Variants in TTK observed in about 807,000 individuals in gnomAD.
TTK encodes TTK protein kinase.
In TTK, 59 loss-of-function variants were observed where a neutral mutation model predicts 117.3. The ratio of observed to expected loss-of-function variants is 0.50; its 90% CI spans 0.41 to 0.62. The LOEUF is 0.62. TTK is among the 20% of genes least tolerant of loss of function. TTK has a pLI of 0.00. For missense variants in TTK, 921 were observed against 989.4 expected (o/e 0.93, Z 0.93); for synonymous variants, 302 against 325.0 (o/e 0.93, Z 0.76).
intron 18 of TTK, among the ~76,000 whole-genome samples, chr6:80,038,539 A>G (rs1185708639): frequency 6.6e-6 from 1 of 152,126 alleles, no homozygotes; most frequent in East Asian, 1.9e-4. Context: ...CCTGTCTCTA[A>G]ATTGTGCCTA....
At chr6:80,024,998 CTG>C (rs1212596332) in intron 11 of TTK, among the ~76,000 whole-genome samples, 1 of 152,206 alleles carries the variant, frequency 6.6e-6, no homozygotes, top group Non-Finnish European at 1.5e-5. Context: ...ATCCCAACAA[CTG>C]TCATTGTTTT....
At chr6:80,026,743 G>A (rs1265012861) in intron 12 of TTK, among the ~76,000 whole-genome samples, 5 of 152,278 alleles carry the variant, frequency 3.3e-5, no homozygotes, top group South Asian at 2.1e-4. Context: ...CTGTCATATC[G>A]TAATCTGTAC....
intron 13 of TTK, among the ~76,000 whole-genome samples, chr6:80,029,582 C>T (rs1285163410): frequency 3.3e-5 from 5 of 152,140 alleles, no homozygotes; most frequent in Non-Finnish European, 5.9e-5. Context: ...GTGGAGCCTT[C>T]TAGAAGAGGC....
intron 13 of TTK, among the ~76,000 whole-genome samples, chr6:80,029,730 A>G (rs1767704465): frequency 6.6e-6 from 1 of 152,230 alleles, no homozygotes; most frequent in Non-Finnish European, 1.5e-5. Context: ...TGAAGCAGGG[A>G]AGTGAAATGA....
At chr6:80,037,298 G>T (rs1767929901) in intron 17 of TTK, among the ~76,000 whole-genome samples, 1 of 152,008 alleles carries the variant, frequency 6.6e-6, no homozygotes, top group Admixed American at 6.6e-5. Context: ...ATGTCTCTTT[G>T]TATCAAAAGT....
At chr6:80,011,690 T>A (rs1319320686) in intron 6 of TTK, 39 bp from the exon 7 acceptor site, 1 of 1,602,524 alleles carries the variant, frequency 6.2e-7, no homozygotes, top group East Asian at 2.3e-5. Context: ...ATATTAATAT[T>A]GTTCTTTGAA....
intron 10 of TTK, among the ~76,000 whole-genome samples, chr6:80,020,731 A>T (rs1041247071): frequency 9.9e-5 from 15 of 152,244 alleles, no homozygotes; most frequent in Non-Finnish European, 1.6e-4. Flanking sequence ...AAAGAGGATG[A>T]CAAAAATCAG....
chr6:80,018,436 T>C (rs1420939895), intron 10 of TTK, among the ~76,000 whole-genome samples: 1 of 146,788 alleles, frequency 6.8e-6, no homozygotes, highest in East Asian at 2.0e-4. Context: ...GCCAGTGTGG[T>C]GAAACCCCAT....
chr6:80,021,230 G>A (rs965417698), intron 10 of TTK, among the ~76,000 whole-genome samples: 5 of 152,190 alleles, frequency 3.3e-5, no homozygotes, highest in South Asian at 2.1e-4. Context: ...GACAAGGGTG[G>A]TCTCCCTAGC....
Position 80,026,437 on chromosome 6 carries a change from A to G in TTK, c.1317A>G (p.Ile439Met), listed in dbSNP as rs373723443. The G allele has an allele frequency of 3.7e-6, 6 of 1,613,818 alleles. No individual in the cohort carries two copies. The African/African-American group carries it at 8.0e-5, about 22-fold the overall frequency. The change falls in exon 12 of 22, where the codon ATA (isoleucine) becomes ATG (methionine). Residue 439 changes from isoleucine to methionine, a missense_variant. Transcript: ENST00000369798. ...CAGTTTCAAAACAGTCACCACCAATATCAACATCTAAATGGTTTGACCCAA... is the reference window on the plus strand; with the variant it reads ...CAGTTTCAAAACAGTCACCACCAATGTCAACATCTAAATGGTTTGACCCAA... The part of the protein sequence containing the change: ...VFSVSKQSPP[I>M]STSKWFDPKS...
chr6:80,026,323 G>C, intron 11 of TTK, 55 bp from the exon 12 acceptor site: 1 of 1,554,552 alleles, frequency 6.4e-7, no homozygotes, highest in African/African-American at 1.4e-5. Context: ...GTAAAAACTA[G>C]TGAACAGGCA....
intron 8 of TTK, among the ~76,000 whole-genome samples, chr6:80,012,908 C>A (rs1767199336): frequency 6.6e-6 from 1 of 152,046 alleles, no homozygotes; most frequent in African/African-American, 2.4e-5. Context: ...ATAGACAATG[C>A]TAGGTACTGT....
chr6:80,026,305 T>C lies in TTK; in HGVS notation c.1258-73T>C, dbSNP rs1022586351. The C allele has an allele frequency of 6.8e-6, 10 of 1,466,854 alleles. No individual in the cohort carries two copies. The African/African-American group carries it at 1.1e-4, about 17-fold the overall frequency. 90.9% of individuals were successfully genotyped at this position (1,466,854 alleles called of 1,614,324 possible). On this transcript the variant is annotated intron_variant, in intron 11 of 21. Coordinates refer to ENST00000369798, the MANE Select transcript of TTK (RefSeq NM_003318.5). The stretch of plus-strand genomic sequence containing the variant: ...TGTTATTATTTTATTTTAAAAGTTA[T>C]AATATTTGTAAAAACTAGTGAACAG...
chr6:80,013,268 A>G lies in TTK; in HGVS notation c.897-11A>G. On this transcript the variant is annotated splice_polypyrimidine_tract_variant and intron_variant, in intron 8 of 21. Transcript: ENST00000369798. The stretch of plus-strand genomic sequence containing the variant: ...TTTAATGTTAAAATTATTTTGTTTC[A>G]CGGGTAAAAGACAAACCTCTAGATC... 1.3e-6 allele frequency: 2 copies of G among 1,572,886 alleles called. No homozygotes were observed. The highest frequency in any genetic ancestry group is 1.2e-5 in the South Asian group (1 of 83,508).
intron 17 of TTK, chr6:80,037,714 C>T (rs1251935189): frequency 5.6e-6 from 1 of 178,696 alleles, no homozygotes; most frequent in Non-Finnish European, 1.1e-5. Flanking sequence ...ATGAACCCAA[C>T]TCGTTTTGCT....
chr6:80,029,079 T>C (rs1767687568), intron 13 of TTK, among the ~76,000 whole-genome samples: 1 of 152,034 alleles, frequency 6.6e-6, no homozygotes, highest in Admixed American at 6.6e-5. Flanking sequence ...GTTATTTAAA[T>C]AAAACAATAA....
chr6:80,009,031 A>G (rs1441827964), intron 4 of TTK, among the ~76,000 whole-genome samples: 1 of 149,824 alleles, frequency 6.7e-6, no homozygotes, highest in Non-Finnish European at 1.5e-5. Flanking sequence ...TTTCTTGCTC[A>G]CTTGGTTCTT....
At chr6:80,029,094 C>A (rs1169009797) in intron 13 of TTK, among the ~76,000 whole-genome samples, 1 of 152,008 alleles carries the variant, frequency 6.6e-6, no homozygotes, top group African/African-American at 2.4e-5. Flanking sequence ...CAATAAAAAA[C>A]CCATGAGTAA....
intron 21 of TTK, among the ~76,000 whole-genome samples, chr6:80,041,123 A>G (rs1312999302): frequency 6.6e-6 from 1 of 151,778 alleles, no homozygotes; most frequent in African/African-American, 2.4e-5. Flanking sequence ...TCAAAGCACA[A>G]GTCTCAAGCT....
Sources: gnomAD v4.1 joint callset for allele counts (sites outside exome capture counted in the v4.1 genomes callset) on GRCh38, gnomAD v4.1.1 for gene constraint, MANE v1.5 for transcripts, NCBI Gene and HGNC (gene_info 2026-07-23, HGNC 2026-07-21) for gene names.